SLC35A3: variants seen among roughly 807,000 people sequenced by gnomAD.
The protein encoded by SLC35A3 is solute carrier family 35 member A3, also known as UDP-N-acetylglucosamine transporter.
In SLC35A3, 26 loss-of-function variants were observed where a neutral mutation model predicts 39.0. The observed-to-expected ratio is 0.67, with a 90% CI of 0.49 to 0.92. SLC35A3 has a LOEUF of 0.92. Ranked by LOEUF, SLC35A3 falls within the 40% of genes least tolerant of loss-of-function variation. SLC35A3 has a pLI of 0.00. For synonymous variants in SLC35A3, 135 were observed against 133.1 expected (o/e 1.01, Z -0.10); for missense variants, 299 against 371.6 (o/e 0.80, Z 1.61).
Position 100,034,506 on chromosome 1 carries a change from T to C in SLC35A3, c.*12030T>C, listed in dbSNP as rs1370697085. On this transcript the variant is annotated 3_prime_UTR_variant, in exon 8 of 8. Coordinates refer to ENST00000533028, the MANE Select transcript of SLC35A3 (RefSeq NM_012243.3). ...TCTAGAGGGTAGTATTTTCTATTGA[T>C]TGAAAAGTTTTCATTTTCTGTTTTT... The C allele has an allele frequency of 6.6e-6, 1 of 152,240 alleles. No homozygotes were observed. Among genetic ancestry groups the C allele is most frequent in the African/African-American group, 2.4e-5 (1 of 41,472 alleles). The allele number at this position is 152,240 out of a possible 1,614,324, so 9.4% of individuals were successfully genotyped here.
chr1:100,011,466 TG>T lies in SLC35A3; in HGVS notation c.571del (p.Val191PhefsTer7). 6.3e-7 allele frequency: 1 copy of T among 1,579,812 alleles called. No homozygotes were observed. The highest frequency in any genetic ancestry group is 1.2e-5 in the South Asian group (1 of 86,942). Reference protein sequence around the residue: ...LTACFSSGFAGVYFEKILKET... With the variant: ...LTACFSSGFAXVYFEKILKET... Reference sequence around the variant, plus strand: ...CAGCATGTTTTTCAAGTGGCTTTGCTGGGGTTTACTTTGAGAAAATCTTAAA... The same window carrying T: ...CAGCATGTTTTTCAAGTGGCTTTGCTGGGTTTACTTTGAGAAAATCTTAAA... On this transcript the variant is annotated frameshift_variant, in exon 5 of 8. Coordinates refer to ENST00000533028, the MANE Select transcript of SLC35A3 (RefSeq NM_012243.3). LOFTEE classifies it high-confidence loss of function.
At position 100,022,734 on chromosome 1, in the gene SLC35A3, A is replaced by G. The variant is rs554348062; in HGVS notation, c.*258A>G. The G allele has an allele frequency of 3.3e-5, 9 of 275,826 alleles. No homozygotes were observed. In the South Asian group the frequency reaches 1.2e-3, roughly 36 times the overall value. The allele number at this position is 275,826 out of a possible 1,614,324, so 17.1% of individuals were successfully genotyped here. On this transcript the variant is annotated 3_prime_UTR_variant, in exon 8 of 8. Transcript: ENST00000533028. ...AAACTTGAAATCTGAGTTTAAAAAG[A>G]TTTTACCTTTTTGATTGCTGCAGAA... is the stretch of plus-strand genomic sequence containing the variant.
intron 3 of SLC35A3, among the ~76,000 whole-genome samples, chr1:100,000,908 T>A (rs1415098623): frequency 1.3e-5 from 2 of 152,060 alleles, no homozygotes; most frequent in African/African-American, 4.8e-5. Context: ...TGGGATCTAG[T>A]GTCATTTTTC....
At chr1:99,970,428 G>A (rs1656733521) in intron 1 of SLC35A3, 1 of 695,986 alleles carries the variant, frequency 1.4e-6, no homozygotes, top group South Asian at 1.8e-5. Context: ...CGAGGAGAGG[G>A]GTGTGTCAAG....
rs1193828436 is a variant in SLC35A3, at chr1:100,027,980, C to T, written c.*5504C>T. 5.3e-5 allele frequency: 6 copies of T among 114,176 alleles called. No homozygotes were observed. The highest frequency in any genetic ancestry group is 2.9e-4 in the South Asian group (1 of 3,488). The allele number at this position is 114,176 out of a possible 1,614,324, so 7.1% of individuals were successfully genotyped here. On this transcript the variant is annotated 3_prime_UTR_variant, in exon 8 of 8. Transcript: ENST00000533028. ...TTTTTTTTTTTTTGAGATGGTGTCT[C>T]GCTCTGTCACCTAGGCTGCAGTGGT...
At chr1:100,013,477 G>A (rs998805934) in intron 5 of SLC35A3, among the ~76,000 whole-genome samples, 60 of 150,850 alleles carry the variant, frequency 4.0e-4, no homozygotes, top group South Asian at 8.4e-4. Flanking sequence ...GCTGGGTGTG[G>A]TAGCGTGTGC....
chr1:99,977,878 G>T (rs1484797937), intron 1 of SLC35A3, among the ~76,000 whole-genome samples: 1 of 152,098 alleles, frequency 6.6e-6, no homozygotes, highest in Non-Finnish European at 1.5e-5. Context: ...AAAATCACTG[G>T]AAAATGCTAG....
In SLC35A3 at chr1:100,027,124, T is replaced by C; in HGVS notation, c.*4648T>C. 1 of 398,608 alleles carries C rather than the reference T, an allele frequency of 2.5e-6. No homozygotes were observed. The highest frequency in any genetic ancestry group is 3.6e-5 in the East Asian group (1 of 28,076). 24.7% of individuals were successfully genotyped at this position (398,608 alleles called of 1,614,324 possible). A position where few individuals can be genotyped will look rare whatever the true frequency, so the allele number is the denominator to read the frequency against. ...ATCTCTATCACTGTCACATGTGATC[T>C]TTCTTCCTTTTCTCTAGCCCATATT... On this transcript the variant is annotated 3_prime_UTR_variant, in exon 8 of 8. Transcript: ENST00000533028.
At chr1:99,988,911 C>A (rs1157288253) in intron 1 of SLC35A3, among the ~76,000 whole-genome samples, 1 of 151,978 alleles carries the variant, frequency 6.6e-6, no homozygotes, top group Non-Finnish European at 1.5e-5. Flanking sequence ...GAACTACATG[C>A]ATGTAGCACC....
chr1:99,988,013 A>G (rs1657845495), intron 1 of SLC35A3, among the ~76,000 whole-genome samples: 4 of 152,236 alleles, frequency 2.6e-5, no homozygotes, highest in Admixed American at 1.3e-4. Flanking sequence ...TAATTTACAT[A>G]CAATAAAATG....
rs1254952804 is a variant in SLC35A3 at position 100,025,660 on chromosome 1, G to C, written c.*3184G>C. On this transcript the variant is annotated 3_prime_UTR_variant, in exon 8 of 8. Coordinates refer to ENST00000533028, the MANE Select transcript of SLC35A3 (RefSeq NM_012243.3). Reference sequence around the variant, plus strand: ...AGGTAGACCTGTGCCCTAGGATCATGTCACATATACAGATAATGCCATTTC... The same window carrying C: ...AGGTAGACCTGTGCCCTAGGATCATCTCACATATACAGATAATGCCATTTC... The C allele has an allele frequency of 1.3e-5, 2 of 152,172 alleles. No individual in the cohort carries two copies. Among genetic ancestry groups the C allele is most frequent in the East Asian group, 1.9e-4 (1 of 5,194 alleles). The allele number at this position is 152,172 out of a possible 1,614,324, so 9.4% of individuals were successfully genotyped here. A position where few individuals can be genotyped will look rare whatever the true frequency, so the allele number is the denominator to read the frequency against.
chr1:100,002,613 T>C (rs1658886921), intron 3 of SLC35A3, among the ~76,000 whole-genome samples: 1 of 152,156 alleles, frequency 6.6e-6, no homozygotes, highest in Admixed American at 6.5e-5. Context: ...TGCCCTGATC[T>C]TTTGTTGTTG....
intron 1 of SLC35A3, among the ~76,000 whole-genome samples, chr1:99,975,269 A>G (rs1657048753): frequency 6.6e-6 from 1 of 152,146 alleles, no homozygotes; most frequent in Admixed American, 6.5e-5. Flanking sequence ...GTTATTACAC[A>G]GAGTTATGAA....
chr1:100,004,194 T>G (rs1659033854), intron 3 of SLC35A3, among the ~76,000 whole-genome samples: 1 of 152,252 alleles, frequency 6.6e-6, no homozygotes, highest in Non-Finnish European at 1.5e-5. Context: ...TGTTAATGTT[T>G]GACTTCTTTC....
chr1:99,977,963 A>G (rs1426361185), intron 1 of SLC35A3, among the ~76,000 whole-genome samples: 2 of 152,224 alleles, frequency 1.3e-5, no homozygotes, highest in African/African-American at 2.4e-5. Flanking sequence ...GCATATAGAT[A>G]CGTTTCAGTT....
intron 1 of SLC35A3, among the ~76,000 whole-genome samples, chr1:99,971,901 CT>C (rs1656836049): frequency 6.6e-6 from 1 of 151,730 alleles, no homozygotes; most frequent in African/African-American, 2.4e-5. Context: ...TTTTCTTTTT[CT>C]TTTTCTCTTT....
Position 100,024,688 on chromosome 1 carries a change from G to A in SLC35A3, c.*2212G>A, listed in dbSNP as rs1247768253. The A allele has an allele frequency of 1.0e-5, 4 of 388,044 alleles. No individual in the cohort carries two copies. Among genetic ancestry groups the A allele is most frequent in the South Asian group, 2.9e-4 (2 of 6,784 alleles). 24.0% of individuals were successfully genotyped at this position (388,044 alleles called of 1,614,324 possible). A position where few individuals can be genotyped will look rare whatever the true frequency, so the allele number is the denominator to read the frequency against. ...GGCTGGAGTGCTGTGGCGCGATCTC[G>A]GCTTACTGCAACCTCCCACTCCCTG... is the stretch of plus-strand genomic sequence containing the variant. On this transcript the variant is annotated 3_prime_UTR_variant, in exon 8 of 8. Coordinates refer to ENST00000533028, the MANE Select transcript of SLC35A3 (RefSeq NM_012243.3).
chr1:100,022,476 G>A lies in SLC35A3; in HGVS notation c.978G>A (p.Ter326=). The A allele has an allele frequency of 6.5e-7, 1 of 1,530,654 alleles. No individual in the cohort carries two copies. The highest frequency in any genetic ancestry group is 9.0e-7 in the Non-Finnish European group (1 of 1,110,582). 94.8% of individuals were successfully genotyped at this position (1,530,654 alleles called of 1,614,324 possible). A position where few individuals can be genotyped will look rare whatever the true frequency, so the allele number is the denominator to read the frequency against. ...CTGCAGGAAATCCCACTAAAGCATA[G>A]TTGTATACTATCTTTAACTGGTTTT... ...PKPAGNPTKA[*] The change falls in exon 8 of 8, where the codon TAG becomes TAA. Residue 326 remains the stop codon, a stop_retained_variant. Coordinates refer to ENST00000533028, the MANE Select transcript of SLC35A3 (RefSeq NM_012243.3).
chr1:99,980,206 T>G (rs1386144042), intron 1 of SLC35A3, among the ~76,000 whole-genome samples: 1 of 152,214 alleles, frequency 6.6e-6, no homozygotes, highest in Non-Finnish European at 1.5e-5. Flanking sequence ...GAATCTTTAC[T>G]AATGATTAGT....
Sources: allele counts gnomAD v4.1 joint callset (sites outside exome capture counted in the v4.1 genomes callset), GRCh38; gene constraint gnomAD v4.1.1; transcripts MANE v1.5; gene names NCBI Gene and HGNC (gene_info 2026-07-23, HGNC 2026-07-21).